Variants in CELF2 observed in about 807,000 individuals in gnomAD.
CELF2 encodes CUGBP Elav-like family member 2.
CELF2 carries 8 observed loss-of-function variants against 62.6 expected under a neutral mutation model. The ratio of observed to expected loss-of-function variants is 0.13; its 90% confidence interval spans 0.07 to 0.23. CELF2 has a LOEUF of 0.23. Among genes scored for constraint, CELF2 ranks in the 10% least tolerant of loss-of-function variants. The probability of loss-of-function intolerance (pLI) is 1.00; values close to 1 mark genes in which losing one functional copy is unlikely to be tolerated. For synonymous variants in CELF2, 258 were observed against 250.0 expected, an observed-to-expected ratio of 1.03 and a Z score of -0.30; for missense variants, 333 against 671.0, an observed-to-expected ratio of 0.50 and a Z score of 5.56.
chr10:10,790,070 T>C, the CELF2 span, among the ~76,000 whole-genome samples: 1 of 152,028 alleles, frequency 6.6e-6, no homozygotes, highest in Non-Finnish European at 1.5e-5. Flanking sequence ...ATTTAACTTT[T>C]CTGTCTGTTA....
chr10:11,115,731 T>C (rs563924920), intron 1 of CELF2, among the ~76,000 whole-genome samples: 1 of 152,260 alleles, frequency 6.6e-6, no homozygotes, highest in East Asian at 1.9e-4. Flanking sequence ...AGAAGCAAAA[T>C]ACTGAAATGC....
chr10:10,757,664 A>G, the CELF2 span, among the ~76,000 whole-genome samples: 23,346 of 152,110 alleles, frequency 0.15, 2,003 homozygotes, highest in East Asian at 0.29. Flanking sequence ...ACTTTTTCCC[A>G]AAAATATAAG....
rs554428692 is a variant in CELF2 at position 11,285,764 on chromosome 10, A to G, written c.842-2654A>G. Among the ~76,000 whole-genome samples the G allele has an allele frequency of 2.4e-4, 37 of 151,758 alleles. No individual in the cohort carries two copies. The highest frequency in any genetic ancestry group is 6.9e-3 in the Middle Eastern group (2 of 290). ...TCAGAGCAATTTATGTAAATGTCAAACTTGTCTGTTACCCTGTTTGTTTGT... is the reference window on the plus strand; with the variant it reads ...TCAGAGCAATTTATGTAAATGTCAAGCTTGTCTGTTACCCTGTTTGTTTGT... On this transcript the variant is annotated intron_variant, in intron 8 of 12. Transcript: ENST00000633077. The surrounding 1 kb of genome is among the most constrained non-coding windows in gnomAD (Gnocchi z 4.3).
intron 1 of CELF2, among the ~76,000 whole-genome samples, chr10:10,856,290 T>G (rs1564725148): frequency 6.6e-6 from 1 of 152,186 alleles, no homozygotes; most frequent in Admixed American, 6.6e-5. Context: ...ATGCAAATGT[T>G]TTATTTAAAA....
intron 1 of CELF2, among the ~76,000 whole-genome samples, chr10:11,080,101 C>A (rs2073583323): frequency 6.6e-6 from 1 of 152,182 alleles, no homozygotes; most frequent in South Asian, 2.1e-4. Context: ...GATGCTAGTT[C>A]AAATGCTGAT....
the CELF2 span, among the ~76,000 whole-genome samples, chr10:10,748,248 T>G: frequency 3.9e-5 from 6 of 152,060 alleles, no homozygotes; most frequent in Non-Finnish European, 1.5e-5. Context: ...TCCCAACACA[T>G]AGAAATGATA....
chr10:10,812,904 A>G (rs1003897406), intron 1 of CELF2, among the ~76,000 whole-genome samples: 2 of 152,168 alleles, frequency 1.3e-5, no homozygotes, highest in Non-Finnish European at 2.9e-5. Context: ...GAGTGTTTGG[A>G]TGGAAACCCA....
chr10:11,017,579 G>A (rs1421529590), upstream of CELF2, among the ~76,000 whole-genome samples: 1 of 152,180 alleles, frequency 6.6e-6, no homozygotes, highest in Non-Finnish European at 1.5e-5. This position sits in a 1 kb window ranked among gnomAD's most constrained non-coding sequence, Gnocchi z 5.5. Flanking sequence ...GGCTCTGGGA[G>A]CGCGGCTCGG....
At chr10:10,906,717 C>CTTTTTTTTTTTTTTTTTTT (rs397846553) in intron 1 of CELF2, among the ~76,000 whole-genome samples, 49 of 109,268 alleles carry the variant, frequency 4.5e-4, no homozygotes, top group East Asian at 1.3e-3. Flanking sequence ...TTTTTCTTTT[C>CTTTTTTTTTTTTTTTTTTT]TTTTTTTTTT....
the CELF2 span, among the ~76,000 whole-genome samples, chr10:10,517,911 G>A: frequency 6.2e-4 from 95 of 152,246 alleles, no homozygotes; most frequent in Middle Eastern, 6.8e-3. Flanking sequence ...TTCCTTTTCC[G>A]GCTTTCCAGC....
intron 1 of CELF2, among the ~76,000 whole-genome samples, chr10:10,901,076 A>G (rs920998393): frequency 6.6e-6 from 1 of 152,208 alleles, no homozygotes; most frequent in African/African-American, 2.4e-5. Flanking sequence ...GGGTCAGAAG[A>G]CTCAATAGTG....
chr10:10,484,552 AG>A, the CELF2 span, among the ~76,000 whole-genome samples: 2 of 151,190 alleles, frequency 1.3e-5, no homozygotes, highest in South Asian at 4.2e-4. Flanking sequence ...CCTGGACTTA[AG>A]TGATCCACCC....
At chr10:10,735,984 A>C in the CELF2 span, among the ~76,000 whole-genome samples, 1 of 152,052 alleles carries the variant, frequency 6.6e-6, no homozygotes, top group Non-Finnish European at 1.5e-5. Flanking sequence ...CCCTGCACTA[A>C]CTCGATGTAT....
chr10:10,964,867 G>A (rs1345358839), intron 2 of CELF2, among the ~76,000 whole-genome samples: 2 of 151,800 alleles, frequency 1.3e-5, no homozygotes, highest in African/African-American at 2.4e-5. Flanking sequence ...ACGATCTTAC[G>A]GTGCCAGTTA....
the CELF2 span, among the ~76,000 whole-genome samples, chr10:10,677,652 C>T: frequency 6.6e-6 from 1 of 152,146 alleles, no homozygotes; most frequent in Admixed American, 6.6e-5. Context: ...TCCTTGAAAC[C>T]GCATGCGGTA....
intron 1 of CELF2, among the ~76,000 whole-genome samples, chr10:11,136,269 T>A (rs984365596): frequency 2.6e-5 from 4 of 152,200 alleles, no homozygotes; most frequent in African/African-American, 9.7e-5. Context: ...GTTCCTGGGC[T>A]CTGAGGATCT....
Position 11,243,608 on chromosome 10 carries a change from G to A in CELF2, c.355-5545G>A, listed in dbSNP as rs931799201. Among the ~76,000 whole-genome samples the A allele has an allele frequency of 3.7e-4, 56 of 152,344 alleles. 1 individual carries two copies. The highest frequency in any genetic ancestry group is 1.3e-3 in the African/African-American group (54 of 41,582). On this transcript the variant is annotated intron_variant, in intron 3 of 12. Transcript: ENST00000633077. This position sits in a 1 kb window ranked among gnomAD's most constrained non-coding sequence, Gnocchi z 4.1. Reference sequence around the variant, plus strand: ...CCAGGCTTGCTGCAAGTGCAGCTGAGATGAACATAAGTAATAGACTCATTA... The same window carrying A: ...CCAGGCTTGCTGCAAGTGCAGCTGAAATGAACATAAGTAATAGACTCATTA...
At chr10:11,099,633 T>G (rs1047719837) in intron 1 of CELF2, among the ~76,000 whole-genome samples, 1 of 152,196 alleles carries the variant, frequency 6.6e-6, no homozygotes, top group South Asian at 2.1e-4. Context: ...TTTACAGAAA[T>G]TTTTGTAGTC....
At position 11,150,135 on chromosome 10, in the gene CELF2, A is replaced by G. The variant is rs138751720; in HGVS notation, c.75-15351A>G. 2.7e-3 allele frequency among the ~76,000 whole-genome samples: 405 copies of G among 152,328 alleles called. 3 individuals carry two copies. Among genetic ancestry groups the G allele is most frequent in the African/African-American group, 9.3e-3 (387 of 41,568 alleles). On this transcript the variant is annotated intron_variant, in intron 1 of 12. Transcript: ENST00000633077. ...ATCTGTTTCATTGTTGTCTTTACTA[A>G]CATAAGACACAAGTCTTTCCAAGTA...
Sources: gnomAD v4.1 joint callset for allele counts (sites outside exome capture counted in the v4.1 genomes callset) on GRCh38, gnomAD v4.1.1 for gene constraint, Gnocchi (gnomAD v3.1) non-coding constraint, MANE v1.5 for transcripts, NCBI Gene and HGNC (gene_info 2026-07-23, HGNC 2026-07-21) for gene names.